Variants in DNMBP observed in about 807,000 individuals in gnomAD.
The protein encoded by DNMBP is dynamin binding protein.
DNMBP carries 87 observed loss-of-function variants against 150.0 expected under a neutral mutation model. The observed-to-expected ratio is 0.58, with a 90% CI of 0.49 to 0.69. DNMBP has a LOEUF of 0.69. Among genes scored for constraint, DNMBP ranks in the 30% least tolerant of loss-of-function variants. The pLI, the probability that DNMBP is intolerant of heterozygous loss-of-function variation, is 0.00. For missense variants in DNMBP, 1,774 were observed against 1,949.0 expected (o/e 0.91, Z 1.69); for synonymous variants, 711 against 750.4 (o/e 0.95, Z 0.86).
At chr10:99,877,429 G>A (rs2039294204) in intron 16 of DNMBP, 93 bp from the exon 17 acceptor site, 4 of 963,546 alleles carry the variant, frequency 4.2e-6, no homozygotes, top group Non-Finnish European at 4.6e-6. Flanking sequence ...ACATCCACAT[G>A]CCCACATGTG....
At chr10:99,936,873 AT>A (rs2040238772) in intron 4 of DNMBP, among the ~76,000 whole-genome samples, 1 of 151,676 alleles carries the variant, frequency 6.6e-6, no homozygotes, top group South Asian at 2.1e-4. Context: ...CCCAGCCAAA[AT>A]GAAACTCTAG....
intron 1 of DNMBP, among the ~76,000 whole-genome samples, chr10:99,979,684 TA>T (rs1256549104): frequency 2.0e-5 from 3 of 152,240 alleles, no homozygotes; most frequent in African/African-American, 7.2e-5. Flanking sequence ...AGGAGCATTT[TA>T]AAATTAGCAT....
rs371452775 is a variant in DNMBP at position 99,935,598 on chromosome 10, C to G, written c.2260+19616G>C. On this transcript the variant is annotated intron_variant, in intron 4 of 16. Transcript: ENST00000324109. Reference sequence around the variant, plus strand: ...GTTGTTGTTGAGATGGAGTTTTGCTCTCGTCACACAGGCTGGAGTGCAATG... The same window carrying G: ...GTTGTTGTTGAGATGGAGTTTTGCTGTCGTCACACAGGCTGGAGTGCAATG... 8.5e-5 allele frequency among the ~76,000 whole-genome samples: 13 copies of G among 152,220 alleles called. No homozygotes were observed. In the East Asian group the frequency reaches 2.1e-3, roughly 25 times the overall value.
At chr10:99,942,234 C>A (rs2133307157) in intron 4 of DNMBP, among the ~76,000 whole-genome samples, 2 of 152,232 alleles carry the variant, frequency 1.3e-5, no homozygotes, top group Admixed American at 1.3e-4. Context: ...TCTCTGATTT[C>A]TTTTCTCCAT....
chr10:99,884,637 G>A (rs2039429020), intron 14 of DNMBP, among the ~76,000 whole-genome samples: 1 of 152,170 alleles, frequency 6.6e-6, no homozygotes, highest in Non-Finnish European at 1.5e-5. Flanking sequence ...GGCTGGGCAT[G>A]GTTGCTCACA....
At chr10:99,919,478 T>A (rs2039998878) in intron 4 of DNMBP, among the ~76,000 whole-genome samples, 1 of 152,220 alleles carries the variant, frequency 6.6e-6, no homozygotes, top group Non-Finnish European at 1.5e-5. Flanking sequence ...AATCAGTTGA[T>A]CTAAATTATA....
At chr10:99,902,274 A>G (rs1274513671) in intron 6 of DNMBP, among the ~76,000 whole-genome samples, 1 of 142,370 alleles carries the variant, frequency 7.0e-6, no homozygotes, top group Non-Finnish European at 1.5e-5. Flanking sequence ...ATCACCTCAC[A>G]CTGCCCTTTC....
At position 99,949,010 on chromosome 10, in the gene DNMBP, A is replaced by AAATAAATG. The variant is rs547171846; in HGVS notation, c.2260+6203_2260+6204insCATTTATT. On this transcript the variant is annotated intron_variant, in intron 4 of 16. Transcript: ENST00000324109. ...TAAATAAATAAATAAATAAATAAAT[A>AAATAAATG]AATGCAGAGTTTTAAGAAGAGGCAG... Among the ~76,000 whole-genome samples, 430 of 148,788 alleles carry AAATAAATG rather than the reference A, an allele frequency of 2.9e-3. 1 individual carries two copies. Among genetic ancestry groups the AAATAAATG allele is most frequent in the Middle Eastern group, 6.9e-3 (2 of 290 alleles).
chr10:99,973,652 C>A (rs945218260), intron 1 of DNMBP, among the ~76,000 whole-genome samples: 5 of 152,202 alleles, frequency 3.3e-5, no homozygotes, highest in Non-Finnish European at 7.3e-5. Context: ...ACCTGAAGAA[C>A]AGCAGCAGAA....
In DNMBP at chr10:99,922,502, G is replaced by GTT. The variant is rs71189108; in HGVS notation, c.2261-13358_2261-13357dup. ...GAAAACACATAACCTAGCTGCTGCT[G>GTT]TTTTTTTTTTTTTTTTTTTTTTCTT... On this transcript the variant is annotated intron_variant, in intron 4 of 16. Coordinates refer to ENST00000324109, the MANE Select transcript of DNMBP (RefSeq NM_015221.4). Among the ~76,000 whole-genome samples the GTT allele has an allele frequency of 3.5e-3, 277 of 78,736 alleles. 6 individuals carry two copies. The highest frequency in any genetic ancestry group is 0.018 in the Middle Eastern group (1 of 56). 51.7% of individuals were successfully genotyped at this position (78,736 alleles called of 152,430 possible).
chr10:100,000,852 G>A (rs1281182106), intron 1 of DNMBP, among the ~76,000 whole-genome samples: 1 of 102,074 alleles, frequency 9.8e-6, no homozygotes, highest in Non-Finnish European at 1.8e-5. Context: ...AGTGACACCT[G>A]TTATGGCAAA....
At chr10:99,895,141 G>C in intron 10 of DNMBP, 91 bp from the exon 11 acceptor site, 1 of 537,448 alleles carries the variant, frequency 1.9e-6, no homozygotes, top group Non-Finnish European at 2.9e-6. Context: ...TTTTTTTTTT[G>C]TGGAGACGGA....
intron 11 of DNMBP, 178 bp from the exon 12 acceptor site, chr10:99,889,131 C>A (rs1463675686): frequency 3.1e-6 from 2 of 652,266 alleles, no homozygotes; most frequent in Non-Finnish European, 5.0e-6. Flanking sequence ...ACTTACGGGG[C>A]ACAGAGAAAG....
intron 12 of DNMBP, among the ~76,000 whole-genome samples, chr10:99,887,531 C>T (rs1236595586): frequency 2.0e-5 from 3 of 151,850 alleles, no homozygotes; most frequent in Non-Finnish European, 2.9e-5. Flanking sequence ...CATCTCAAAA[C>T]AAAAATTATA....
chr10:99,879,844 T>C lies in DNMBP; in HGVS notation c.4515A>G (p.Thr1505=), dbSNP rs2039335369. The change falls in exon 16 of 17, where the codon ACA becomes ACG. Residue 1505 remains threonine (T), a synonymous_variant. Coordinates refer to ENST00000324109, the MANE Select transcript of DNMBP (RefSeq NM_015221.4). ...CTTCTGCCTCACTGCCATCTGGCTC[T>C]GTACTTCTGTCTTCCGGAGCCTGGG... ...RTAQAPEDRS[T]EPDGSEAEGN... The C allele has an allele frequency of 6.2e-7, 1 of 1,614,266 alleles. No homozygotes were observed. Among genetic ancestry groups the C allele is most frequent in the Admixed American group, 1.7e-5 (1 of 60,032 alleles).
intron 4 of DNMBP, among the ~76,000 whole-genome samples, chr10:99,952,220 C>A (rs960579708): frequency 2.6e-5 from 4 of 152,188 alleles, no homozygotes; most frequent in African/African-American, 7.2e-5. Flanking sequence ...TAAACCTCTT[C>A]ATTTTGTAAA....
At chr10:99,972,255 G>T in intron 1 of DNMBP, 121 bp from the exon 2 acceptor site, 1 of 956,066 alleles carries the variant, frequency 1.0e-6, no homozygotes, top group Non-Finnish European at 1.5e-6. Flanking sequence ...CCAAAGCTAA[G>T]CAAATAAGTT....
intron 12 of DNMBP, among the ~76,000 whole-genome samples, chr10:99,887,092 C>CT (rs2039479249): frequency 1.4e-5 from 2 of 143,636 alleles, no homozygotes; most frequent in East Asian, 2.3e-4. Context: ...AGGTAATACC[C>CT]ATTTTTTTTT....
intron 3 of DNMBP, among the ~76,000 whole-genome samples, chr10:99,961,580 C>G (rs1478770070): frequency 2.0e-5 from 3 of 151,238 alleles, no homozygotes; most frequent in Admixed American, 6.6e-5. Flanking sequence ...CTACTAATTG[C>G]TCTATGCTAC....
Sources: gnomAD v4.1 joint callset for allele counts (sites outside exome capture counted in the v4.1 genomes callset) on GRCh38, gnomAD v4.1.1 for gene constraint, MANE v1.5 for transcripts, NCBI Gene and HGNC (gene_info 2026-07-23, HGNC 2026-07-21) for gene names.